TH: variants seen among roughly 807,000 people sequenced by gnomAD.
The protein encoded by TH is tyrosine hydroxylase.
Under a neutral mutation model 57.4 loss-of-function variants are expected in TH, and 49 were observed. That is an observed-to-expected ratio of 0.85 (90% confidence interval 0.68 to 1.08). TH has a LOEUF of 1.08. Ranked by LOEUF, TH falls within the 50% of genes least tolerant of loss-of-function variation. TH has a pLI of 0.00. For synonymous variants in TH, 330 were observed against 304.5 expected, an observed-to-expected ratio of 1.08 and a Z score of -0.87; for missense variants, 720 against 696.7, an observed-to-expected ratio of 1.03 and a Z score of -0.38.
At position 2,171,767 on chromosome 11, in the gene TH, G is replaced by A; in HGVS notation, c.20C>T (p.Thr7Ile). The change falls in exon 1 of 13, where the codon ACC becomes ATC. Residue 7 changes from threonine to isoleucine, a missense_variant. Transcript: ENST00000352909. This position sits in a 1 kb window ranked among gnomAD's most constrained non-coding sequence, Gnocchi z 8.6. ...GCGGAAGCCCTTGGCCTGTGGCGTGGTGGCGTCGGGGGTGGGCATGGCTCA... is the reference window on the plus strand; with the variant it reads ...GCGGAAGCCCTTGGCCTGTGGCGTGATGGCGTCGGGGGTGGGCATGGCTCA... The part of the protein sequence containing the change: MPTPDA[T>I]TPQAKGFRRA... 6.2e-7 allele frequency: 1 copy of A among 1,612,452 alleles called. No individual in the cohort carries two copies.
chr11:2,169,967 C>T (rs1846209262), intron 1 of TH, 96 bp from the exon 2 acceptor site: 9 of 1,276,268 alleles, frequency 7.1e-6, no homozygotes, highest in Non-Finnish European at 9.9e-6. Context: ...GCTGATGGCA[C>T]ACAGAGGCAG....
At position 2,164,389 on chromosome 11, in the gene TH, G is replaced by A; in HGVS notation, c.1338C>T (p.Ser446=). ...AGGGGCGCTGGATGCGTGAGGCATAGCTCCTGGGGAGGAGAGCGGCAGAGC... is the reference window on the plus strand; with the variant it reads ...AGGGGCGCTGGATGCGTGAGGCATAACTCCTGGGGAGGAGAGCGGCAGAGC... ...SFSDAKDKLR[S]YASRIQRPFS... The change falls in exon 13 of 13, where the codon AGC becomes AGT. Residue 446 remains serine (S), a synonymous_variant. Transcript: ENST00000352909. The A allele has an allele frequency of 6.5e-7, 1 of 1,548,820 alleles. No individual in the cohort carries two copies.
chr11:2,164,792 G>A (rs530141422), intron 12 of TH, among the ~76,000 whole-genome samples: 1 of 152,222 alleles, frequency 6.6e-6, no homozygotes, highest in Non-Finnish European at 1.5e-5. Context: ...CTTTTATGAG[G>A]ATGAGGCTAG....
In TH at chr11:2,165,660, A is replaced by G. The variant is rs371162830; in HGVS notation, c.1200+8T>C. On this transcript the variant is annotated splice_region_variant and intron_variant, in intron 11 of 12. Coordinates refer to ENST00000352909, the MANE Select transcript of TH (RefSeq NM_000360.4). ...CTGCTGGGGGCTGCAGCAAGGAGAGACTCTCACCAGGAGCTCCCCGTAGGA... is the reference window on the plus strand; with the variant it reads ...CTGCTGGGGGCTGCAGCAAGGAGAGGCTCTCACCAGGAGCTCCCCGTAGGA... The G allele has an allele frequency of 6.2e-7, 1 of 1,611,948 alleles. No homozygotes were observed. The highest frequency in any genetic ancestry group is 8.5e-7 in the Non-Finnish European group (1 of 1,179,568).
intron 8 of TH, 31 bp from the exon 9 acceptor site, chr11:2,166,580 G>A: frequency 6.3e-7 from 1 of 1,590,364 alleles, no homozygotes. Flanking sequence ...GGGGCTGAGG[G>A]GCCGCCCGTC....
chr11:2,166,624 C>G lies in TH; in HGVS notation c.977+9G>C, dbSNP rs752199740. ...CACCCTCGGGCTGGCGGCCAGGGCG[C>G]GCACTCACGGCTCAGGGGAGTGCAT... On this transcript the variant is annotated intron_variant, in intron 8 of 12. Transcript: ENST00000352909. 3.2e-6 allele frequency: 5 copies of G among 1,581,292 alleles called. No individual in the cohort carries two copies. Among genetic ancestry groups the G allele is most frequent in the Non-Finnish European group, 3.4e-6 (4 of 1,165,202 alleles).
intron 2 of TH, among the ~76,000 whole-genome samples, chr11:2,169,410 AGGCACAGTG>A (rs995697742): frequency 3.7e-4 from 57 of 152,074 alleles, no homozygotes; most frequent in African/African-American, 1.2e-3. Context: ...GCAAGGCAAG[AGGCACAGTG>A]GGGCTTGGTA....
At chr11:2,164,468 G>A (rs941482807) in intron 12 of TH, 76 bp from the exon 13 acceptor site, 9 of 1,506,278 alleles carry the variant, frequency 6.0e-6, no homozygotes, top group African/African-American at 2.9e-5. Flanking sequence ...GAGGCCAGGG[G>A]CCGCGTTTCC....
intron 11 of TH, 43 bp from the exon 12 acceptor site, chr11:2,165,408 G>T: frequency 6.2e-7 from 1 of 1,603,246 alleles, no homozygotes. Context: ...CTGCACCCAG[G>T]TCCCCGAGGG....
In TH at chr11:2,164,287, C is replaced by T. The variant is rs1405705464; in HGVS notation, c.1440G>A (p.Glu480=). Residue 480 remains glutamate, a synonymous_variant, in exon 13 of 13, where the codon GAG becomes GAA. Transcript: ENST00000352909. ...GGGTGTCCAGCTCATCCTGGACACC[C>T]TCCAGGGAGCGCCGCACGGCCTGGG... ...DSPQAVRRSL[E]GVQDELDTLA... 3 of 1,510,942 alleles carry T rather than the reference C, an allele frequency of 2.0e-6. No homozygotes were observed. The highest frequency in any genetic ancestry group is 2.7e-6 in the Non-Finnish European group (3 of 1,126,500). The allele number at this position is 1,510,942 out of a possible 1,614,324, so 93.6% of individuals were successfully genotyped here.
At chr11:2,166,278 T>C (rs1394092878) in intron 9 of TH, 1 of 890,030 alleles carries the variant, frequency 1.1e-6, no homozygotes, top group Non-Finnish European at 1.7e-6. Context: ...CGTTCCCAGG[T>C]AGCCGGCAGG....
chr11:2,170,632 G>C lies in TH; in HGVS notation c.91-761C>G, dbSNP rs1367792478. On this transcript the variant is annotated intron_variant, in intron 1 of 12. Transcript: ENST00000352909. This position sits in a 1 kb window ranked among gnomAD's most constrained non-coding sequence, Gnocchi z 6.0. ...AATCAGCTTCATCCTGAGCTTCCAGGGTTGTGGAACATGAAGGGGAGCAGC... is the reference window on the plus strand; with the variant it reads ...AATCAGCTTCATCCTGAGCTTCCAGCGTTGTGGAACATGAAGGGGAGCAGC... 3 of 1,405,760 alleles carry C rather than the reference G, an allele frequency of 2.1e-6. No homozygotes were observed. Among genetic ancestry groups the C allele is most frequent in the East Asian group, 2.4e-5 (1 of 42,416 alleles). 87.1% of individuals were successfully genotyped at this position (1,405,760 alleles called of 1,614,324 possible). A position where few individuals can be genotyped will look rare whatever the true frequency, so the allele number is the denominator to read the frequency against.
Position 2,165,312 on chromosome 11 carries a change from G to A in TH, c.1254C>T (p.Ala418=), listed in dbSNP as rs374772644. Residue 418 remains alanine (A), a synonymous_variant, in exon 12 of 13, where the codon GCC becomes GCT. Coordinates refer to ENST00000352909, the MANE Select transcript of TH (RefSeq NM_000360.4). The stretch of plus-strand genomic sequence containing the variant: ...ACGTCTGGTCTTGGTAGGGCTGCAC[G>A]GCCGCAGCCTCAGGGTCGAAGGCCC... The part of the protein sequence containing the change: ...EIRAFDPEAA[A]VQPYQDQTYQ... 28 of 1,612,636 alleles carry A rather than the reference G, an allele frequency of 1.7e-5. No homozygotes were observed. Among genetic ancestry groups the A allele is most frequent in the African/African-American group, 6.7e-5 (5 of 75,036 alleles).
chr11:2,169,818 C>A lies in TH; in HGVS notation c.144G>T (p.Glu48Asp). The change falls in exon 2 of 13, where the codon GAG becomes GAT. Residue 48 changes from glutamate to aspartate, a missense_variant. Coordinates refer to ENST00000352909, the MANE Select transcript of TH (RefSeq NM_000360.4). The stretch of plus-strand genomic sequence containing the variant: ...CCGCTGCTGCCACCGCCGCCTCCCG[C>A]TCCTTGCGGGCGTCCTCGATGAGGC... ...RQSLIEDARK[E>D]REAAVAAAAA... 1 of 1,611,260 alleles carries A rather than the reference C, an allele frequency of 6.2e-7. No homozygotes were observed. The highest frequency in any genetic ancestry group is 8.5e-7 in the Non-Finnish European group (1 of 1,179,636).
In TH at chr11:2,165,373, G is replaced by A. The variant is rs751808349; in HGVS notation, c.1201-8C>T. The A allele has an allele frequency of 6.2e-6, 10 of 1,608,298 alleles. No individual in the cohort carries two copies. In the South Asian group the frequency reaches 9.9e-5, roughly 16 times the overall value. On this transcript the variant is annotated splice_region_variant and splice_polypyrimidine_tract_variant and intron_variant, in intron 11 of 12. Coordinates refer to ENST00000352909, the MANE Select transcript of TH (RefSeq NM_000360.4). ...CTCCTCAGACAGGCAGTGCTGGCAG[G>A]AGGCCAATGGCATCACTGACTCCAC...
Position 2,165,874 on chromosome 11 carries a change from G to A in TH, c.1105-111C>T, listed in dbSNP as rs1268521150. The A allele has an allele frequency of 3.4e-6, 5 of 1,484,766 alleles. No homozygotes were observed. In the Admixed American group the frequency reaches 7.8e-5, roughly 23 times the overall value. The allele number at this position is 1,484,766 out of a possible 1,614,324, so 92.0% of individuals were successfully genotyped here. A position where few individuals can be genotyped will look rare whatever the true frequency, so the allele number is the denominator to read the frequency against. The stretch of plus-strand genomic sequence containing the variant: ...CCAGGGAGGCCAGGCCAGGATGCAG[G>A]CAGGCCAGGGTGAGGGTCACAATTC... On this transcript the variant is annotated intron_variant, in intron 10 of 12. Coordinates refer to ENST00000352909, the MANE Select transcript of TH (RefSeq NM_000360.4).
chr11:2,165,621 C>T (rs771833276), intron 11 of TH, 47 bp downstream of exon 11: 1 of 1,599,002 alleles, frequency 6.3e-7, no homozygotes, highest in Admixed American at 1.7e-5. Context: ...GCACCGTCCC[C>T]CAGCCCTGCC....
chr11:2,170,822 C>T lies in TH; in HGVS notation c.90+875G>A, dbSNP rs886955531. The stretch of plus-strand genomic sequence containing the variant: ...CCTGGTGGGGGAGGGTAGGGGAGGG[C>T]GGGGGAGGACGGGGGAGGGCGCCCT... On this transcript the variant is annotated intron_variant, in intron 1 of 12. Coordinates refer to ENST00000352909, the MANE Select transcript of TH (RefSeq NM_000360.4). This position sits in a 1 kb window ranked among gnomAD's most constrained non-coding sequence, Gnocchi z 6.0. 14 of 12,322 alleles carry T rather than the reference C, an allele frequency of 1.1e-3. No individual in the cohort carries two copies. The African/African-American group carries it at 0.013, about 12-fold the overall frequency. The allele number at this position is 12,322 out of a possible 1,614,324, so 0.8% of individuals were successfully genotyped here. A position where few individuals can be genotyped will look rare whatever the true frequency, so the allele number is the denominator to read the frequency against.
At chr11:2,166,213 C>A in intron 9 of TH, 155 bp from the exon 10 acceptor site, 1 of 919,146 alleles carries the variant, frequency 1.1e-6, no homozygotes, top group Non-Finnish European at 1.7e-6. Context: ...GCACCTCCAC[C>A]GGGCCTCCTC....
Sources: gnomAD v4.1 joint callset for allele counts (sites outside exome capture counted in the v4.1 genomes callset) on GRCh38, gnomAD v4.1.1 for gene constraint, Gnocchi (gnomAD v3.1) non-coding constraint, MANE v1.5 for transcripts, NCBI Gene and HGNC (gene_info 2026-07-23, HGNC 2026-07-21) for gene names.